CLCN4: variants seen among roughly 807,000 people sequenced by gnomAD.
CLCN4 encodes the protein H(+)/Cl(-) exchange transporter 4.
Under a neutral mutation model 41.7 loss-of-function variants are expected in CLCN4, and 1 was observed. The observed-to-expected ratio is 0.02, with a 90% confidence interval of 0.01 to 0.11. CLCN4 has a LOEUF of 0.11. Among genes scored for constraint, CLCN4 ranks in the 10% least tolerant of loss-of-function variants. The pLI, the probability that CLCN4 is intolerant of heterozygous loss-of-function variation, is 1.00. For missense variants in CLCN4, 287 were observed against 661.0 expected, an observed-to-expected ratio of 0.43 and a Z score of 6.20; for synonymous variants, 277 against 285.8, an observed-to-expected ratio of 0.97 and a Z score of 0.31.
At chrX:10,195,840 G>A (rs10126998) in intron 5 of CLCN4, among the ~76,000 whole-genome samples, 7,136 of 112,088 alleles carry the variant, frequency 0.064, 536 homozygotes, top group African/African-American at 0.21. Context: ...TTTTATGGCC[G>A]AATAATATTC....
chrX:10,221,078 G>T (rs1428840301), intron 12 of CLCN4, among the ~76,000 whole-genome samples: 2 of 111,389 alleles, frequency 1.8e-5, no homozygotes, highest in Non-Finnish European at 3.8e-5. Context: ...GCCAGAGAAG[G>T]GGGTGGTCCA....
rs1231537957 is a variant in CLCN4, at chrX:10,180,721, T to C, written c.-11-4301T>C. Reference sequence around the variant, plus strand: ...GGCGGAGGTTGCGGTGAGCTGATATTGCGCCATTGCACTCCAGCCTGGGCA... The same window carrying C: ...GGCGGAGGTTGCGGTGAGCTGATATCGCGCCATTGCACTCCAGCCTGGGCA... On this transcript the variant is annotated intron_variant, in intron 2 of 12. Transcript: ENST00000380833. 4.5e-5 allele frequency among the ~76,000 whole-genome samples: 4 copies of C among 89,461 alleles called. No individual in the cohort carries two copies. In the Admixed American group the frequency reaches 6.2e-4, roughly 14 times the overall value. The allele number at this position is 89,461 out of a possible 115,157, so 77.7% of individuals were successfully genotyped here. A position where few individuals can be genotyped will look rare whatever the true frequency, so the allele number is the denominator to read the frequency against.
At chrX:10,190,153 C>T (rs974044296) in intron 4 of CLCN4, among the ~76,000 whole-genome samples, 1 of 111,385 alleles carries the variant, frequency 9.0e-6, no homozygotes, top group Non-Finnish European at 1.9e-5. Context: ...CTTTAGTGAG[C>T]GGTCGCACTG....
intron 2 of CLCN4, among the ~76,000 whole-genome samples, chrX:10,165,534 G>C (rs1328616459): frequency 5.4e-5 from 6 of 111,579 alleles, no homozygotes; most frequent in Non-Finnish European, 1.1e-4. Context: ...GTTTCCTTAT[G>C]GGGGAGGCTG....
At chrX:10,172,281 G>A (rs1425842547) in intron 2 of CLCN4, among the ~76,000 whole-genome samples, 1 of 112,010 alleles carries the variant, frequency 8.9e-6, no homozygotes, top group Non-Finnish European at 1.9e-5. Context: ...GAGAGTCATC[G>A]ATTAATACCT....
intron 10 of CLCN4, among the ~76,000 whole-genome samples, chrX:10,213,427 G>A (rs149595469): frequency 8.3e-4 from 93 of 111,949 alleles, no homozygotes; most frequent in East Asian, 7.6e-3. Flanking sequence ...TGTGGGCCAC[G>A]GTGAATAGAC....
At chrX:10,178,057 A>G (rs1367441001) in intron 2 of CLCN4, among the ~76,000 whole-genome samples, 1 of 111,911 alleles carries the variant, frequency 8.9e-6, no homozygotes, top group Non-Finnish European at 1.9e-5. Flanking sequence ...GATTCCACTT[A>G]CTGCATGATT....
At chrX:10,173,271 C>G in intron 2 of CLCN4, among the ~76,000 whole-genome samples, 1 of 111,315 alleles carries the variant, frequency 9.0e-6, no homozygotes, top group South Asian at 3.8e-4. Context: ...CAGAATCTGC[C>G]GTTTAATAAG....
intron 5 of CLCN4, 62 bp downstream of exon 5, chrX:10,195,160 C>A (rs1924064795): frequency 1.9e-6 from 2 of 1,055,153 alleles, no homozygotes; most frequent in Non-Finnish European, 2.6e-6. Flanking sequence ...CTTGGGAATG[C>A]TGCTGGGAGA....
intron 12 of CLCN4, among the ~76,000 whole-genome samples, chrX:10,227,150 A>T (rs1169252551): frequency 9.1e-6 from 1 of 109,786 alleles, no homozygotes; most frequent in Non-Finnish European, 1.9e-5. Flanking sequence ...AATCCTCAAT[A>T]AAAAAAAATA....
chrX:10,206,906 G>GTTTTTGT lies in CLCN4; in HGVS notation c.843+134_843+135insTGTTTTT, dbSNP rs1555976201. The stretch of plus-strand genomic sequence containing the variant: ...CCACAATTTCCACTGTTTTTTTTTT[G>GTTTTTGT]TTTTGTTTTTGTTTTTGTTTTTGTT... On this transcript the variant is annotated intron_variant, in intron 8 of 12. Transcript: ENST00000380833. 0.022 allele frequency: 9,673 copies of GTTTTTGT among 436,627 alleles called. 558 individuals are homozygous for GTTTTTGT. Among genetic ancestry groups the GTTTTTGT allele is most frequent in the African/African-American group, 0.18 (6,319 of 34,468 alleles). 36.0% of individuals were successfully genotyped at this position (436,627 alleles called of 1,213,427 possible).
intron 2 of CLCN4, among the ~76,000 whole-genome samples, chrX:10,170,423 ATGT>A (rs1426153856): frequency 2.7e-5 from 3 of 112,243 alleles, no homozygotes; most frequent in Non-Finnish European, 5.6e-5. Flanking sequence ...AATAAGATTG[ATGT>A]TAAAAATATT....
At chrX:10,183,189 T>G (rs1200155623) in intron 2 of CLCN4, among the ~76,000 whole-genome samples, 2 of 112,423 alleles carry the variant, frequency 1.8e-5, no homozygotes, top group African/African-American at 6.5e-5. Context: ...TGCTACTGAC[T>G]TCTGCGATGT....
chrX:10,213,538 G>A (rs764486852), intron 10 of CLCN4, 143 bp from the exon 11 acceptor site: 48 of 552,059 alleles, frequency 8.7e-5, no homozygotes, highest in Non-Finnish European at 1.2e-4. Flanking sequence ...GGTTCCAGAG[G>A]CCCAGTGTAG....
chrX:10,207,251 GT>G (rs1253844985), intron 8 of CLCN4, among the ~76,000 whole-genome samples: 1 of 112,523 alleles, frequency 8.9e-6, no homozygotes, highest in Non-Finnish European at 1.9e-5. Flanking sequence ...TTCAAGTATT[GT>G]TTCAAAAATT....
chrX:10,189,263 G>C (rs955425634), intron 4 of CLCN4, among the ~76,000 whole-genome samples: 6 of 112,186 alleles, frequency 5.3e-5, no homozygotes, highest in Non-Finnish European at 1.9e-5. Flanking sequence ...TTCTGATAAC[G>C]GCACAGCTTA....
intron 1 of CLCN4, among the ~76,000 whole-genome samples, chrX:10,157,330 G>T (rs1339483590): frequency 1.8e-5 from 2 of 112,132 alleles, no homozygotes; most frequent in East Asian, 2.8e-4. Context: ...CACGAAAGCT[G>T]ATGGAATAAA....
At chrX:10,168,301 A>G (rs1175827105) in intron 2 of CLCN4, among the ~76,000 whole-genome samples, 1 of 111,386 alleles carries the variant, frequency 9.0e-6, no homozygotes, top group Non-Finnish European at 1.9e-5. Flanking sequence ...TTTTGATGCG[A>G]GCAGCCCCCT....
chrX:10,229,249 C>A, intron 12 of CLCN4, among the ~76,000 whole-genome samples: 1 of 111,054 alleles, frequency 9.0e-6, no homozygotes, highest in Middle Eastern at 4.8e-3. Context: ...TCACTGCTTT[C>A]TTGAAATTAA....
Sources: gnomAD v4.1 joint callset for allele counts (sites outside exome capture counted in the v4.1 genomes callset) on GRCh38, gnomAD v4.1.1 for gene constraint, MANE v1.5 for transcripts, NCBI Gene and HGNC (gene_info 2026-07-23, HGNC 2026-07-21) for gene names.